FAM171B: variants seen among roughly 807,000 people sequenced by gnomAD.
The protein encoded by FAM171B is protein FAM171B.
Under a neutral mutation model 75.6 loss-of-function variants are expected in FAM171B, and 19 were observed. The observed-to-expected ratio is 0.25, with a 90% CI of 0.18 to 0.37. FAM171B has a LOEUF of 0.37. Among genes scored for constraint, FAM171B ranks in the 10% least tolerant of loss-of-function variants. The pLI is 1.00. For missense variants in FAM171B, 848 were observed against 982.4 expected (o/e 0.86, Z 1.83); for synonymous variants, 367 against 361.7 (o/e 1.01, Z -0.17).
chr2:186,753,845 C>G, intron 5 of FAM171B, 88 bp from the exon 6 acceptor site: 1 of 951,130 alleles, frequency 1.1e-6, no homozygotes, highest in Non-Finnish European at 1.7e-6. Context: ...TTTTCATAAT[C>G]TTTGAAAAAG....
intron 3 of FAM171B, among the ~76,000 whole-genome samples, chr2:186,744,737 G>A (rs561484038): frequency 1.3e-5 from 2 of 152,120 alleles, no homozygotes; most frequent in South Asian, 4.2e-4. Context: ...ATATTGGTCA[G>A]GGTGGTCTTG....
At chr2:186,733,551 C>T (rs1330344741) in intron 1 of FAM171B, among the ~76,000 whole-genome samples, 2 of 152,170 alleles carry the variant, frequency 1.3e-5, no homozygotes, top group South Asian at 2.1e-4. Flanking sequence ...TCCCACTTGG[C>T]CCAGGAGGCT....
At chr2:186,715,345 G>A (rs1689860688) in intron 1 of FAM171B, among the ~76,000 whole-genome samples, 2 of 152,006 alleles carry the variant, frequency 1.3e-5, no homozygotes, top group Non-Finnish European at 2.9e-5. Context: ...TGGGACTACA[G>A]GCACACGCCA....
intron 1 of FAM171B, among the ~76,000 whole-genome samples, chr2:186,722,448 G>C (rs1475918836): frequency 6.6e-6 from 1 of 152,096 alleles, no homozygotes; most frequent in Non-Finnish European, 1.5e-5. Flanking sequence ...GACTTAACTA[G>C]ATTCAAGGCA....
chr2:186,694,603 G>A (rs146512844), intron 1 of FAM171B, among the ~76,000 whole-genome samples, 192 bp downstream of exon 1: 1 of 152,270 alleles, frequency 6.6e-6, no homozygotes, highest in Non-Finnish European at 1.5e-5. Flanking sequence ...CTGCCCTCCG[G>A]GTAATGAGCT....
chr2:186,715,554 T>C (rs1433611166), intron 1 of FAM171B, among the ~76,000 whole-genome samples: 1 of 152,120 alleles, frequency 6.6e-6, no homozygotes, highest in African/African-American at 2.4e-5. Flanking sequence ...GACATAAACA[T>C]AAAAATATAA....
At chr2:186,755,570 A>G (rs17750683) in intron 6 of FAM171B, among the ~76,000 whole-genome samples, 1 of 152,106 alleles carries the variant, frequency 6.6e-6, no homozygotes, top group African/African-American at 2.4e-5. Context: ...GACATTTTAC[A>G]TATGTTTATC....
At chr2:186,752,602 C>CTGTT (rs1307090628) in intron 5 of FAM171B, among the ~76,000 whole-genome samples, 1 of 152,114 alleles carries the variant, frequency 6.6e-6, no homozygotes, top group Admixed American at 6.5e-5. Context: ...AGAATATCTG[C>CTGTT]TGTTTGAGTC....
At chr2:186,754,189 A>AT (rs893317507) in intron 6 of FAM171B, 140 bp downstream of exon 6, 1,381 of 580,250 alleles carry the variant, frequency 2.4e-3, no homozygotes, top group East Asian at 3.4e-3. Context: ...ATCTCAGCTT[A>AT]TTTTTTTTTC....
chr2:186,749,858 CCTTT>C (rs1302745054), intron 4 of FAM171B, among the ~76,000 whole-genome samples: 1 of 152,020 alleles, frequency 6.6e-6, no homozygotes, highest in African/African-American at 2.4e-5. Context: ...AGAGAGGAGG[CCTTT>C]CTTGACCGCC....
intron 1 of FAM171B, chr2:186,695,099 A>G (rs1689559986): frequency 6.6e-6 from 1 of 152,266 alleles, no homozygotes. Flanking sequence ...CATAAGGTGA[A>G]GTCTGGAGTG....
At chr2:186,740,741 G>A (rs1313287388) in intron 2 of FAM171B, among the ~76,000 whole-genome samples, 1 of 151,866 alleles carries the variant, frequency 6.6e-6, no homozygotes, top group Non-Finnish European at 1.5e-5. Context: ...AGCAGATTCT[G>A]TGTCTGGTGA....
intron 4 of FAM171B, 66 bp from the exon 5 acceptor site, chr2:186,751,068 C>G: frequency 4.0e-6 from 5 of 1,237,640 alleles, no homozygotes; most frequent in Non-Finnish European, 5.6e-6. Flanking sequence ...TATTTTAGAC[C>G]TATAATAATT....
At chr2:186,725,494 A>G (rs891317064) in intron 1 of FAM171B, among the ~76,000 whole-genome samples, 1 of 152,160 alleles carries the variant, frequency 6.6e-6, no homozygotes, top group Non-Finnish European at 1.5e-5. Context: ...CAGAGGGGAT[A>G]TCTGAGCTGA....
At chr2:186,699,571 T>C (rs1689628521) in intron 1 of FAM171B, among the ~76,000 whole-genome samples, 1 of 152,230 alleles carries the variant, frequency 6.6e-6, no homozygotes, top group South Asian at 2.1e-4. Context: ...TCTCCCATTC[T>C]ATGGGTTATC....
intron 1 of FAM171B, among the ~76,000 whole-genome samples, chr2:186,698,917 A>G (rs1689617596): frequency 6.6e-6 from 1 of 152,100 alleles, no homozygotes; most frequent in Non-Finnish European, 1.5e-5. Flanking sequence ...ATTTTACTTA[A>G]TGTCCTCCTG....
chr2:186,759,072 A>G lies in FAM171B; in HGVS notation c.1013-2041A>G, dbSNP rs552943461. The stretch of plus-strand genomic sequence containing the variant: ...AAGTCTGTTTTTCTATGCCTGGCTT[A>G]TTTCATTTAACACAATGTCCTCAAC... On this transcript the variant is annotated intron_variant, in intron 6 of 7. Transcript: ENST00000304698. Among the ~76,000 whole-genome samples the G allele has an allele frequency of 1.8e-4, 27 of 152,230 alleles. 1 individual carries two copies. The highest frequency in any genetic ancestry group is 3.4e-3 in the Middle Eastern group (1 of 294).
chr2:186,725,250 A>G (rs1559085453), intron 1 of FAM171B, among the ~76,000 whole-genome samples: 1 of 151,628 alleles, frequency 6.6e-6, no homozygotes, highest in South Asian at 2.1e-4. Context: ...AGGCTGAAGC[A>G]GGAGAATGGT....
Position 186,763,027 on chromosome 2 carries a change from T to A in FAM171B, c.*204T>A, listed in dbSNP as rs939810062. 6.8e-6 allele frequency: 4 copies of A among 585,644 alleles called. No homozygotes were observed. The highest frequency in any genetic ancestry group is 1.1e-5 in the Non-Finnish European group (4 of 351,540). The allele number at this position is 585,644 out of a possible 1,614,324, so 36.3% of individuals were successfully genotyped here. A position where few individuals can be genotyped will look rare whatever the true frequency, so the allele number is the denominator to read the frequency against. ...GGCCTATTCATTTATTTTTGGGTGA[T>A]GAATTTACAGTATCTAAGTTTTCAA... is the stretch of plus-strand genomic sequence containing the variant. On this transcript the variant is annotated 3_prime_UTR_variant, in exon 8 of 8. Transcript: ENST00000304698.
Sources: gnomAD v4.1 joint callset for allele counts (sites outside exome capture counted in the v4.1 genomes callset) on GRCh38, gnomAD v4.1.1 for gene constraint, MANE v1.5 for transcripts, NCBI Gene and HGNC (gene_info 2026-07-23, HGNC 2026-07-21) for gene names.